RABGAP1: variants seen among roughly 807,000 people sequenced by gnomAD.
RABGAP1 encodes rab GTPase-activating protein 1.
In RABGAP1, 23 loss-of-function variants were observed where a neutral mutation model predicts 137.6. That is an observed-to-expected ratio of 0.17 (90% CI 0.12 to 0.24). RABGAP1 has a LOEUF of 0.24. Ranked by LOEUF, RABGAP1 falls within the 10% of genes least tolerant of loss-of-function variation. RABGAP1 has a pLI of 1.00. For synonymous variants in RABGAP1, 451 were observed against 450.7 expected (o/e 1.00, Z -0.01); for missense variants, 906 against 1,275.8 (o/e 0.71, Z 4.42).
At chr9:122,966,475 A>C (rs1835148791) in intron 2 of RABGAP1, among the ~76,000 whole-genome samples, 1 of 152,126 alleles carries the variant, frequency 6.6e-6, no homozygotes, top group Non-Finnish European at 1.5e-5. Flanking sequence ...GTGAGCCTAC[A>C]TTGTGCCATT....
intron 2 of RABGAP1, among the ~76,000 whole-genome samples, chr9:122,975,242 T>C (rs1835703207): frequency 6.6e-6 from 1 of 152,210 alleles, no homozygotes; most frequent in Non-Finnish European, 1.5e-5. Context: ...AGGGCCTAAA[T>C]ATCCTTCAGA....
intron 1 of RABGAP1, among the ~76,000 whole-genome samples, chr9:122,950,377 C>CTTTTTCTTT (rs1834168197): frequency 1.3e-5 from 1 of 74,492 alleles, no homozygotes; most frequent in African/African-American, 5.3e-5. Context: ...CTTTTTCTTT[C>CTTTTTCTTT]TTTTTTTTTT....
chr9:123,097,778 T>G lies in RABGAP1; in HGVS notation c.2666T>G (p.Leu889Arg), dbSNP rs1204152072. 1 of 1,613,840 alleles carries G rather than the reference T, an allele frequency of 6.2e-7. No homozygotes were observed. The highest frequency in any genetic ancestry group is 1.3e-5 in the African/African-American group (1 of 74,918). The stretch of plus-strand genomic sequence containing the variant: ...GCAGATGCTCTGAATAAGGAGCTGC[T>G]GATGACCAAACAGAAGTTGATTGAT... ...EKADALNKEL[L>R]MTKQKLIDAE... The change falls in exon 22 of 26, where the codon CTG (leucine) becomes CGG (arginine). Residue 889 changes from leucine (L) to arginine (R), a missense_variant. Transcript: ENST00000373647.
In RABGAP1 at chr9:122,996,157, C is replaced by T. The variant is rs375538857; in HGVS notation, c.1034+6C>T. 2 of 1,603,458 alleles carry T rather than the reference C, an allele frequency of 1.2e-6. No individual in the cohort carries two copies. Among genetic ancestry groups the T allele is most frequent in the East Asian group, 2.2e-5 (1 of 44,738 alleles). On this transcript the variant is annotated splice_donor_region_variant and intron_variant, in intron 7 of 25. Transcript: ENST00000373647. Reference sequence around the variant, plus strand: ...AAAGAACTTGCCATTGAAAGGTAAGCATTTTTAGTAAGTTTAGCTTAAATA... The same window carrying T: ...AAAGAACTTGCCATTGAAAGGTAAGTATTTTTAGTAAGTTTAGCTTAAATA...
Position 123,002,130 on chromosome 9 carries a change from T to C in RABGAP1, c.1374+3364T>C, listed in dbSNP as rs7848956. On this transcript the variant is annotated intron_variant, in intron 10 of 25. Coordinates refer to ENST00000373647, the MANE Select transcript of RABGAP1 (RefSeq NM_012197.4). ...CAGCCTGACCAACATGGAGAAACCC[T>C]GTCTCTACTAAAAATACAAAATTAG... Among the ~76,000 whole-genome samples, 5 of 152,124 alleles carry C rather than the reference T, an allele frequency of 3.3e-5. No individual in the cohort carries two copies. In the East Asian group the frequency reaches 9.7e-4, roughly 29 times the overall value.
intron 6 of RABGAP1, chr9:122,990,414 A>C (rs772100216): frequency 3.8e-5 from 15 of 389,682 alleles, no homozygotes; most frequent in Non-Finnish European, 6.2e-5. Context: ...AAAAATTGTC[A>C]TATTGGGAAC....
At chr9:122,976,498 T>C (rs1460755565) in intron 2 of RABGAP1, among the ~76,000 whole-genome samples, 2 of 152,250 alleles carry the variant, frequency 1.3e-5, no homozygotes, top group Non-Finnish European at 2.9e-5. Context: ...TATTTGTTTT[T>C]GTTTTTGTAT....
intron 1 of RABGAP1, among the ~76,000 whole-genome samples, chr9:122,951,167 CAAGAA>C (rs1834223600): frequency 6.6e-6 from 1 of 152,062 alleles, no homozygotes; most frequent in Non-Finnish European, 1.5e-5. Context: ...AAGAAAATCT[CAAGAA>C]AACCAAAGAA....
At chr9:123,037,871 A>G (rs1023831822) in intron 13 of RABGAP1, among the ~76,000 whole-genome samples, 1 of 152,050 alleles carries the variant, frequency 6.6e-6, no homozygotes, top group African/African-American at 2.4e-5. Flanking sequence ...GCAACATTTG[A>G]TGACATTTAG....
At position 123,089,870 on chromosome 9, in the gene RABGAP1, A is replaced by G. The variant is rs368955794; in HGVS notation, c.2517+20A>G. On this transcript the variant is annotated intron_variant, in intron 20 of 25. Transcript: ENST00000373647. Reference sequence around the variant, plus strand: ...TTTGAGGTTTGTTTGCTTATGGCCTACGTGTGAGGAGCTCCCATGCTTTCA... The same window carrying G: ...TTTGAGGTTTGTTTGCTTATGGCCTGCGTGTGAGGAGCTCCCATGCTTTCA... 8 of 1,589,612 alleles carry G rather than the reference A, an allele frequency of 5.0e-6. No homozygotes were observed. Among genetic ancestry groups the G allele is most frequent in the African/African-American group, 1.3e-5 (1 of 74,152 alleles).
At chr9:123,037,013 C>T (rs936712632) in intron 13 of RABGAP1, among the ~76,000 whole-genome samples, 2 of 152,086 alleles carry the variant, frequency 1.3e-5, no homozygotes, top group African/African-American at 4.8e-5. Context: ...GAGAGTATTT[C>T]CTCTACTTTT....
intron 12 of RABGAP1, among the ~76,000 whole-genome samples, chr9:123,020,051 T>G (rs554265256): frequency 4.6e-5 from 7 of 151,928 alleles, no homozygotes; most frequent in Non-Finnish European, 7.4e-5. Flanking sequence ...TTTTTTTTTT[T>G]TTTTTTTAAA....
At chr9:123,101,465 C>A in intron 24 of RABGAP1, 101 bp from the exon 25 acceptor site, 2 of 1,170,528 alleles carry the variant, frequency 1.7e-6, no homozygotes, top group Non-Finnish European at 2.4e-6. Flanking sequence ...TAGTGCTCAA[C>A]AGAGAAGCCG....
chr9:122,996,953 G>GA (rs1378413380), intron 8 of RABGAP1: 6 of 532,998 alleles, frequency 1.1e-5, no homozygotes, highest in Middle Eastern at 5.8e-4. Flanking sequence ...CCCATTATCT[G>GA]AAAATCTTTA....
chr9:122,931,955 A>T, the RABGAP1 span, among the ~76,000 whole-genome samples: 4 of 152,090 alleles, frequency 2.6e-5, no homozygotes, highest in Admixed American at 2.6e-4. Flanking sequence ...TCACTTTTGG[A>T]TGTGTTTTTC....
intron 21 of RABGAP1, among the ~76,000 whole-genome samples, chr9:123,095,313 T>C (rs1284687852): frequency 1.3e-5 from 2 of 152,100 alleles, no homozygotes; most frequent in Non-Finnish European, 2.9e-5. Context: ...CTGCTTTTAC[T>C]TTCTTTGGGT....
In RABGAP1 at chr9:123,035,693, CTAAG is replaced by C. The variant is rs575983262; in HGVS notation, c.1794+15237_1794+15240del. 85 of 837,756 alleles carry C rather than the reference CTAAG, an allele frequency of 1.0e-4. 1 individual carries two copies. The highest frequency in any genetic ancestry group is 9.3e-4 in the African/African-American group (54 of 58,074). The allele number at this position is 837,756 out of a possible 1,614,324, so 51.9% of individuals were successfully genotyped here. ...GTGTGTGTGTGTGTGTATTTTATCT[CTAAG>C]TATTCCTAATTCACTAGGAAATCTG... On this transcript the variant is annotated intron_variant, in intron 13 of 25. Coordinates refer to ENST00000373647, the MANE Select transcript of RABGAP1 (RefSeq NM_012197.4).
At chr9:122,958,159 G>T (rs1211899885) in intron 2 of RABGAP1, among the ~76,000 whole-genome samples, 3 of 152,146 alleles carry the variant, frequency 2.0e-5, no homozygotes. Flanking sequence ...CCGGGCAGGG[G>T]TGAGGGCAGC....
At chr9:122,945,238 T>G (rs1322946586) in intron 1 of RABGAP1, 1 of 150,482 alleles carries the variant, frequency 6.6e-6, no homozygotes, top group African/African-American at 2.5e-5. Flanking sequence ...ATCATTATTC[T>G]TTAGAAACTT....
Sources: allele counts gnomAD v4.1 joint callset (sites outside exome capture counted in the v4.1 genomes callset), GRCh38; gene constraint gnomAD v4.1.1; transcripts MANE v1.5; gene names NCBI Gene and HGNC (gene_info 2026-07-23, HGNC 2026-07-21).